The following EPB41L3 variants were observed in gnomAD, a reference collection of about 807,000 sequenced individuals.
EPB41L3 encodes the protein erythrocyte membrane protein band 4.1 like 3, also known as band 4.1-like protein 3.
In EPB41L3, 57 loss-of-function variants were observed where a neutral mutation model predicts 127.1. That is an observed-to-expected ratio of 0.45 (90% CI 0.36 to 0.56). The LOEUF is 0.56. Ranked by LOEUF, EPB41L3 falls within the 20% of genes least tolerant of loss-of-function variation. EPB41L3 has a pLI of 0.00. For missense variants in EPB41L3, 1,273 were observed against 1,372.2 expected (o/e 0.93, Z 1.14); for synonymous variants, 572 against 549.5 (o/e 1.04, Z -0.57).
intron 5 of EPB41L3, among the ~76,000 whole-genome samples, chr18:5,438,691 G>A (rs927029323): frequency 1.1e-4 from 17 of 152,294 alleles, no homozygotes; most frequent in Admixed American, 1.0e-3. Flanking sequence ...AATTTTTGAT[G>A]AAATAGGTAC....
At chr18:5,620,223 A>G (rs893593412) in intron 1 of EPB41L3, among the ~76,000 whole-genome samples, 1 of 152,198 alleles carries the variant, frequency 6.6e-6, no homozygotes, top group Admixed American at 6.5e-5. Flanking sequence ...AGATGAATAA[A>G]CTATCATCCA....
At chr18:5,422,928 C>T (rs1386692429) in intron 11 of EPB41L3, among the ~76,000 whole-genome samples, 1 of 152,166 alleles carries the variant, frequency 6.6e-6, no homozygotes, top group Non-Finnish European at 1.5e-5. Context: ...CTATTATCAA[C>T]TGACTGATAA....
chr18:5,416,240 G>A lies in EPB41L3; in HGVS notation c.1645C>T (p.His549Tyr), dbSNP rs1288420397. Residue 549 changes from histidine to tyrosine, a missense_variant, in exon 13 of 23, where the codon CAC becomes TAC. Physicochemically the swap from His to Tyr is moderately conservative, Grantham distance 83. Around this residue, in one of 3 missense-constraint regions of EPB41L3, gnomAD observed 765 missense variants for 782.9 expected, o/e 0.98. Transcript: ENST00000341928. ...LPGYEPSRAE[H>Y]LPGEPALDSD... ...TCCAAGGCGGGCTCTCCAGGCAGGTGCTCAGCTCTGGACGGCTCATAACCT... is the reference window on the plus strand; with the variant it reads ...TCCAAGGCGGGCTCTCCAGGCAGGTACTCAGCTCTGGACGGCTCATAACCT... The A allele has an allele frequency of 3.7e-6, 6 of 1,614,148 alleles. No homozygotes were observed. The highest frequency in any genetic ancestry group is 5.1e-6 in the Non-Finnish European group (6 of 1,180,036).
At chr18:5,534,937 C>T (rs2093523883) in intron 1 of EPB41L3, among the ~76,000 whole-genome samples, 1 of 152,094 alleles carries the variant, frequency 6.6e-6, no homozygotes, top group African/African-American at 2.4e-5. Flanking sequence ...TCTTCTCTAG[C>T]TCTTTGTATT....
rs528813862 is a variant in EPB41L3, at chr18:5,398,090, T to A, written c.2403A>T (p.Leu801Phe). The change falls in exon 17 of 23, where the codon TTA (leucine) becomes TTT (phenylalanine). Residue 801 changes from leucine (L) to phenylalanine (F), a missense_variant. Transcript: ENST00000341928. ...KLMDGSEIFS[L>F]LESARKPTEF... ...CTGTTGGTTTTCGCGCAGACTCTAA[T>A]AAACTGAAGATTTCAGAGCCATCCA... 14 of 1,614,158 alleles carry A rather than the reference T, an allele frequency of 8.7e-6. No individual in the cohort carries two copies. In the South Asian group the frequency reaches 1.4e-4, roughly 16 times the overall value.
At chr18:5,533,846 G>C (rs971860272) in intron 1 of EPB41L3, among the ~76,000 whole-genome samples, 10 of 136,700 alleles carry the variant, frequency 7.3e-5, no homozygotes, top group Admixed American at 2.1e-4. Context: ...ATTTCCTAGG[G>C]CCACAGAAGT....
At chr18:5,481,190 G>C (rs1035185553) in intron 2 of EPB41L3, among the ~76,000 whole-genome samples, 1 of 152,136 alleles carries the variant, frequency 6.6e-6, no homozygotes, top group Non-Finnish European at 1.5e-5. Flanking sequence ...AGCAGAACTT[G>C]TGACATTCAT....
At chr18:5,449,033 C>T (rs996931845) in intron 3 of EPB41L3, among the ~76,000 whole-genome samples, 1 of 151,994 alleles carries the variant, frequency 6.6e-6, no homozygotes, top group African/African-American at 2.4e-5. Flanking sequence ...CAAAAGAGAA[C>T]TTAAAGAGAA....
In EPB41L3 at chr18:5,423,370, A is replaced by G; in HGVS notation, c.1339+8T>C. The G allele has an allele frequency of 6.3e-7, 1 of 1,595,898 alleles. No individual in the cohort carries two copies. Among genetic ancestry groups the G allele is most frequent in the Non-Finnish European group, 8.6e-7 (1 of 1,167,116 alleles). Reference sequence around the variant, plus strand: ...CTAGGTTATTAAGGGCCAGTAAGCGATGCCTACCTCCATCCAAGCTGCGAG... The same window carrying G: ...CTAGGTTATTAAGGGCCAGTAAGCGGTGCCTACCTCCATCCAAGCTGCGAG... On this transcript the variant is annotated splice_region_variant and intron_variant, in intron 11 of 22. Coordinates refer to ENST00000341928, the MANE Select transcript of EPB41L3 (RefSeq NM_012307.5).
At chr18:5,467,381 C>T (rs562214351) in intron 3 of EPB41L3, 1 of 75,206 alleles carries the variant, frequency 1.3e-5, no homozygotes, top group South Asian at 4.3e-4. Context: ...TGATACTCTG[C>T]CCACTGACTA....
chr18:5,410,030 A>G (rs982520429), intron 14 of EPB41L3, among the ~76,000 whole-genome samples: 1 of 152,168 alleles, frequency 6.6e-6, no homozygotes. Flanking sequence ...ATTTCTTATG[A>G]GTGACCGAGG....
At chr18:5,496,819 C>T (rs1429380928) in intron 1 of EPB41L3, among the ~76,000 whole-genome samples, 1 of 152,220 alleles carries the variant, frequency 6.6e-6, no homozygotes, top group Admixed American at 6.5e-5. Flanking sequence ...CTTTAACAAA[C>T]ATTTCCTGAA....
intron 1 of EPB41L3, among the ~76,000 whole-genome samples, chr18:5,490,069 AC>A (rs2090403800): frequency 6.6e-6 from 1 of 152,220 alleles, no homozygotes; most frequent in South Asian, 2.1e-4. Context: ...ACGTGATAAT[AC>A]CTAAATAACT....
chr18:5,487,123 C>T (rs149908157), intron 2 of EPB41L3, among the ~76,000 whole-genome samples: 2 of 152,208 alleles, frequency 1.3e-5, no homozygotes, highest in East Asian at 1.9e-4. Flanking sequence ...GGTATATACA[C>T]CCAATGAAAT....
intron 3 of EPB41L3, among the ~76,000 whole-genome samples, chr18:5,556,153 T>G (rs2094032173): frequency 6.6e-6 from 1 of 152,228 alleles, no homozygotes; most frequent in Non-Finnish European, 1.5e-5. Flanking sequence ...TGATGGACTG[T>G]CATTATTGGA....
At chr18:5,512,125 A>G (rs2092556916) in intron 1 of EPB41L3, among the ~76,000 whole-genome samples, 1 of 152,234 alleles carries the variant, frequency 6.6e-6, no homozygotes, top group East Asian at 1.9e-4. Flanking sequence ...AACACAGCAC[A>G]GTATGCTAAT....
chr18:5,516,615 C>T (rs531988507), intron 1 of EPB41L3, among the ~76,000 whole-genome samples: 1 of 152,302 alleles, frequency 6.6e-6, no homozygotes, highest in Non-Finnish European at 1.5e-5. Flanking sequence ...ATATGACTGT[C>T]GTGGATATCA....
At chr18:5,495,275 T>C (rs1182756020) in intron 1 of EPB41L3, among the ~76,000 whole-genome samples, 2 of 151,438 alleles carry the variant, frequency 1.3e-5, no homozygotes, top group Non-Finnish European at 2.9e-5. Context: ...TATGAAGACA[T>C]AATAATTCAA....
At chr18:5,594,930 T>C (rs1396044674) in intron 3 of EPB41L3, among the ~76,000 whole-genome samples, 1 of 152,162 alleles carries the variant, frequency 6.6e-6, no homozygotes, top group Non-Finnish European at 1.5e-5. Context: ...CAAGAATTAA[T>C]AAAAATCTTG....
Sources: gnomAD v4.1 joint callset for allele counts (sites outside exome capture counted in the v4.1 genomes callset) on GRCh38, gnomAD v4.1.1 for gene constraint, gnomAD v4.1.1 regional missense constraint, MANE v1.5 for transcripts, NCBI Gene and HGNC (gene_info 2026-07-23, HGNC 2026-07-21) for gene names.